VWA8: variants seen among roughly 807,000 people sequenced by gnomAD.
VWA8 encodes the protein von Willebrand factor A domain-containing protein 8.
VWA8 carries 221 observed loss-of-function variants against 241.5 expected under a neutral mutation model. The observed-to-expected ratio is 0.91, with a 90% CI of 0.82 to 1.02. The LOEUF (loss-of-function observed/expected upper bound fraction) is 1.02, where lower values mean the gene tolerates loss of function less well. Ranked by LOEUF, VWA8 falls within the 50% of genes least tolerant of loss-of-function variation. The pLI is 0.00. For missense variants in VWA8, 2,322 were observed against 2,328.7 expected (o/e 1.00, Z 0.06); for synonymous variants, 852 against 827.1 (o/e 1.03, Z -0.52).
rs114119221 is a variant in VWA8 at position 41,686,911 on chromosome 13, C to T, written c.4132-1669G>A. Among the ~76,000 whole-genome samples the T allele has an allele frequency of 1.7e-3, 262 of 152,210 alleles. 1 individual carries two copies. Among genetic ancestry groups the T allele is most frequent in the African/African-American group, 6.0e-3 (249 of 41,552 alleles). The stretch of plus-strand genomic sequence containing the variant: ...GGCTGCCCCTTCACAGGAATGCCAT[C>T]TTCATCCTGTTTGGGCTTAACGTCC... On this transcript the variant is annotated intron_variant, in intron 34 of 44. Transcript: ENST00000379310.
rs374768809 is a variant in VWA8 at position 41,675,301 on chromosome 13, A to C, written c.4328-5T>G. The C allele has an allele frequency of 1.2e-6, 2 of 1,607,578 alleles. No individual in the cohort carries two copies. The highest frequency in any genetic ancestry group is 1.7e-6 in the Non-Finnish European group (2 of 1,176,086). ...ATGTTTGTGGAGGAGTAACATCTAC[A>C]AACAAGTCATGACATGAGCCAAGTA... On this transcript the variant is annotated splice_polypyrimidine_tract_variant and splice_region_variant and intron_variant, in intron 35 of 44. Transcript: ENST00000379310.
At chr13:41,589,699 A>G (rs1401257917) in intron 41 of VWA8, among the ~76,000 whole-genome samples, 3 of 152,210 alleles carry the variant, frequency 2.0e-5, no homozygotes, top group East Asian at 1.9e-4. Context: ...GTTTTCATCA[A>G]CTGAACTCAT....
chr13:41,739,545 A>C (rs891093283), intron 21 of VWA8, among the ~76,000 whole-genome samples: 7 of 152,212 alleles, frequency 4.6e-5, no homozygotes, highest in African/African-American at 1.7e-4. Flanking sequence ...CAAACAGAAA[A>C]AATTCCCAAT....
chr13:41,817,318 G>T (rs1337098048), intron 15 of VWA8, among the ~76,000 whole-genome samples: 1 of 152,108 alleles, frequency 6.6e-6, no homozygotes, highest in Non-Finnish European at 1.5e-5. Context: ...ACATATCAAT[G>T]AACTCGGAAG....
intron 37 of VWA8, among the ~76,000 whole-genome samples, chr13:41,647,264 C>A (rs917030533): frequency 6.6e-5 from 10 of 152,166 alleles, no homozygotes; most frequent in African/African-American, 2.4e-4. Flanking sequence ...TTTTGGGAGA[C>A]ATTTTCTGGA....
intron 12 of VWA8, among the ~76,000 whole-genome samples, chr13:41,839,214 T>C (rs1334415880): frequency 3.3e-5 from 5 of 152,218 alleles, no homozygotes; most frequent in Non-Finnish European, 7.3e-5. Flanking sequence ...TAGTATCTCA[T>C]TGTGGTTTTG....
intron 17 of VWA8, among the ~76,000 whole-genome samples, chr13:41,805,579 T>A (rs991824778): frequency 2.0e-5 from 3 of 152,046 alleles, no homozygotes; most frequent in African/African-American, 7.2e-5. Context: ...TTTGGGAGGC[T>A]GAGATGGGCA....
chr13:41,836,957 T>G (rs1349383622), intron 12 of VWA8, among the ~76,000 whole-genome samples: 2 of 152,168 alleles, frequency 1.3e-5, no homozygotes, highest in African/African-American at 4.8e-5. Flanking sequence ...CAGTTAAATT[T>G]TATCACCTAA....
chr13:41,653,197 T>C (rs2044880124), intron 37 of VWA8, among the ~76,000 whole-genome samples: 1 of 152,152 alleles, frequency 6.6e-6, no homozygotes, highest in Non-Finnish European at 1.5e-5. Flanking sequence ...TTAGGGCTTG[T>C]TCACAATAAA....
chr13:41,635,676 A>G (rs1395643134), intron 37 of VWA8, among the ~76,000 whole-genome samples: 1 of 152,176 alleles, frequency 6.6e-6, no homozygotes, highest in Non-Finnish European at 1.5e-5. Context: ...TGCAGAGAGC[A>G]GGTGGGATCC....
chr13:41,959,347 C>T (rs1878482604), intron 1 of VWA8, among the ~76,000 whole-genome samples: 1 of 151,948 alleles, frequency 6.6e-6, no homozygotes, highest in Admixed American at 6.6e-5. Flanking sequence ...TGTTTAACTC[C>T]AAAACCCAAC....
chr13:41,961,035 G>A lies in VWA8; in HGVS notation c.-20C>T. 7.4e-7 allele frequency: 1 copy of A among 1,357,446 alleles called. No individual in the cohort carries two copies. Among genetic ancestry groups the A allele is most frequent in the Non-Finnish European group, 9.4e-7 (1 of 1,061,770 alleles). The allele number at this position is 1,357,446 out of a possible 1,614,324, so 84.1% of individuals were successfully genotyped here. On this transcript the variant is annotated 5_prime_UTR_variant, in exon 1 of 45. Transcript: ENST00000379310. ...TTGCATGGCGCCGGGGGGGCTGTCG[G>A]GGACGGCGAGGGGGCTCGGGGATCG...
At chr13:41,906,164 A>AAC (rs1326124306) in intron 4 of VWA8, among the ~76,000 whole-genome samples, 2 of 152,102 alleles carry the variant, frequency 1.3e-5, no homozygotes, top group Non-Finnish European at 2.9e-5. Flanking sequence ...ATTAATAAGT[A>AAC]ACACATGAGG....
intron 21 of VWA8, among the ~76,000 whole-genome samples, chr13:41,749,487 C>T (rs1356331156): frequency 6.6e-6 from 1 of 152,136 alleles, no homozygotes; most frequent in Non-Finnish European, 1.5e-5. Context: ...CCTTTTGACC[C>T]AGCCATCCCA....
At chr13:41,594,214 C>T (rs2044474240) in intron 40 of VWA8, among the ~76,000 whole-genome samples, 1 of 151,836 alleles carries the variant, frequency 6.6e-6, no homozygotes, top group African/African-American at 2.4e-5. Context: ...CTTTGAACTC[C>T]TGGGCTCTAG....
intron 9 of VWA8, among the ~76,000 whole-genome samples, 160 bp downstream of exon 9, chr13:41,883,227 C>A (rs943866774): frequency 1.3e-5 from 2 of 151,804 alleles, no homozygotes; most frequent in Admixed American, 1.3e-4. Context: ...AATGCTGATA[C>A]CTCCATGCCT....
At chr13:41,784,737 CATAT>C (rs772223346) in intron 18 of VWA8, among the ~76,000 whole-genome samples, 5,983 of 72,280 alleles carry the variant, frequency 0.083, 352 homozygotes, top group East Asian at 0.14. Flanking sequence ...TATACACACA[CATAT>C]ATATATATAT....
chr13:41,807,637 A>G lies in VWA8; in HGVS notation c.2063+3588T>C, dbSNP rs1593785727. 2.0e-5 allele frequency: 3 copies of G among 152,372 alleles called. No homozygotes were observed. In the South Asian group the frequency reaches 6.2e-4, roughly 32 times the overall value. The allele number at this position is 152,372 out of a possible 1,614,324, so 9.4% of individuals were successfully genotyped here. A position where few individuals can be genotyped will look rare whatever the true frequency, so the allele number is the denominator to read the frequency against. The stretch of plus-strand genomic sequence containing the variant: ...CTGAAAAAGAATTTTATAAAATTCA[A>G]CATCCCTTCATGATGAAAACCCTCC... On this transcript the variant is annotated intron_variant, in intron 17 of 44. Transcript: ENST00000379310.
chr13:41,787,462 C>T lies in VWA8; in HGVS notation c.2145G>A (p.Leu715=). ...ATTTGTAATCCTTCAGTTCTGGCTC[C>T]AAATTGTCATCAGTATTTATTTCTA... ...ATIEINTDDN[L]EPELKDYKCE... is the part of the protein sequence containing the mutation. The change falls in exon 18 of 45, where the codon TTG becomes TTA. Residue 715 remains leucine, a synonymous_variant. Coordinates refer to ENST00000379310, the MANE Select transcript of VWA8 (RefSeq NM_015058.2). 6.2e-7 allele frequency: 1 copy of T among 1,612,144 alleles called. No homozygotes were observed. The highest frequency in any genetic ancestry group is 8.5e-7 in the Non-Finnish European group (1 of 1,179,082).
Sources: allele counts gnomAD v4.1 joint callset (sites outside exome capture counted in the v4.1 genomes callset), GRCh38; gene constraint gnomAD v4.1.1; transcripts MANE v1.5; gene names NCBI Gene and HGNC (gene_info 2026-07-23, HGNC 2026-07-21).